Variants in GRIA4 observed in about 807,000 individuals in gnomAD.
GRIA4 encodes the protein glutamate ionotropic receptor AMPA type subunit 4, also known as glutamate receptor 4.
GRIA4 carries 34 observed loss-of-function variants against 104.0 expected under a neutral mutation model. The ratio of observed to expected loss-of-function variants is 0.33; its 90% CI spans 0.25 to 0.44. The LOEUF is 0.44. Among genes scored for constraint, GRIA4 ranks in the 20% least tolerant of loss-of-function variants. The probability of loss-of-function intolerance (pLI) is 1.00; values close to 1 mark genes in which losing one functional copy is unlikely to be tolerated. For missense variants in GRIA4, 750 were observed against 1,096.5 expected (o/e 0.68, Z 4.46); for synonymous variants, 386 against 381.9 (o/e 1.01, Z -0.13).
chr11:105,899,792 T>C (rs1337760075), intron 7 of GRIA4, among the ~76,000 whole-genome samples: 1 of 152,178 alleles, frequency 6.6e-6, no homozygotes, highest in Non-Finnish European at 1.5e-5. Context: ...ATTTAATGTA[T>C]TGTTGGTTCA....
chr11:105,750,906 T>G (rs531251444), intron 3 of GRIA4, among the ~76,000 whole-genome samples: 1 of 152,240 alleles, frequency 6.6e-6, no homozygotes, highest in East Asian at 1.9e-4. Context: ...AAAAGCTACA[T>G]GAGTACTTCC....
At chr11:105,773,121 T>C (rs914421978) in intron 4 of GRIA4, among the ~76,000 whole-genome samples, 8 of 152,114 alleles carry the variant, frequency 5.3e-5, no homozygotes, top group Non-Finnish European at 1.0e-4. Flanking sequence ...TACTCCTCCT[T>C]CTCATTCTTT....
Position 105,918,828 on chromosome 11 carries a change from T to G in GRIA4, c.1386T>G (p.Tyr462Ter). ...SEIAKHIGIK[Y>*]KIAIVPDGKY... ...TTGCAAAACATATTGGTATCAAGTA[T>G]AAAATTGCCATTGTCCCTGATGGAA... Residue 462 changes from tyrosine to a stop codon, truncating the protein, a stop_gained, in exon 11 of 17, where the codon TAT becomes TAG. Transcript: ENST00000282499. LOFTEE classifies it high-confidence loss of function. 1 of 1,607,334 alleles carries G rather than the reference T, an allele frequency of 6.2e-7. No individual in the cohort carries two copies. Among genetic ancestry groups the G allele is most frequent in the Non-Finnish European group, 8.5e-7 (1 of 1,174,044 alleles).
chr11:105,903,022 T>G (rs765937051), intron 7 of GRIA4, among the ~76,000 whole-genome samples: 3 of 152,174 alleles, frequency 2.0e-5, no homozygotes, highest in Non-Finnish European at 4.4e-5. Flanking sequence ...CTTTCCTCAC[T>G]TTTTCCCCTA....
chr11:105,870,600 G>A (rs2136047722), intron 5 of GRIA4, among the ~76,000 whole-genome samples: 1 of 152,048 alleles, frequency 6.6e-6, no homozygotes, highest in South Asian at 2.1e-4. Flanking sequence ...GAATTCCCCA[G>A]GCAGAGACGC....
intron 3 of GRIA4, among the ~76,000 whole-genome samples, chr11:105,642,256 T>C (rs1248107052): frequency 1.3e-5 from 2 of 152,096 alleles, no homozygotes; most frequent in Non-Finnish European, 1.5e-5. Flanking sequence ...TGCTGTTGCA[T>C]ATTTAGAAAA....
At chr11:105,665,583 A>G (rs1177182500) in intron 3 of GRIA4, among the ~76,000 whole-genome samples, 2 of 152,054 alleles carry the variant, frequency 1.3e-5, no homozygotes, top group African/African-American at 4.8e-5. Context: ...CCCAGAAAAT[A>G]GGAAGCACAG....
At chr11:105,850,886 G>A (rs1371073741) in intron 4 of GRIA4, among the ~76,000 whole-genome samples, 1 of 151,980 alleles carries the variant, frequency 6.6e-6, no homozygotes, top group African/African-American at 2.4e-5. Context: ...CCTTAATAGG[G>A]GAATAAAATT....
intron 4 of GRIA4, among the ~76,000 whole-genome samples, chr11:105,859,398 T>C (rs1305327311): frequency 1.3e-5 from 2 of 152,212 alleles, no homozygotes; most frequent in African/African-American, 4.8e-5. Flanking sequence ...TAGGGTTCTG[T>C]CTGATTCCAA....
chr11:105,965,882 C>T, intron 14 of GRIA4: 1 of 1,118,182 alleles, frequency 8.9e-7, no homozygotes, highest in Non-Finnish European at 1.3e-6. Context: ...GAGCTTAAGT[C>T]CTCATTCCTT....
chr11:105,868,388 C>T lies in GRIA4; in HGVS notation c.672+6180C>T, dbSNP rs180865188. 9.4e-4 allele frequency among the ~76,000 whole-genome samples: 143 copies of T among 152,280 alleles called. 1 individual carries two copies. The highest frequency in any genetic ancestry group is 3.2e-3 in the African/African-American group (135 of 41,570). On this transcript the variant is annotated intron_variant, in intron 5 of 16. Coordinates refer to ENST00000282499, the MANE Select transcript of GRIA4 (RefSeq NM_000829.4). ...GCAGAAATGTAGATTCCTTGCATTA[C>T]ACCAGTTTAGTTGTCTATCTTTCCT... is the stretch of plus-strand genomic sequence containing the variant.
At chr11:105,661,602 T>C (rs1194219348) in intron 3 of GRIA4, among the ~76,000 whole-genome samples, 1 of 151,716 alleles carries the variant, frequency 6.6e-6, no homozygotes, top group Non-Finnish European at 1.5e-5. Flanking sequence ...AAGAAATTCA[T>C]GGTTAATTTT....
intron 14 of GRIA4, among the ~76,000 whole-genome samples, chr11:105,971,226 A>G (rs1454131074): frequency 6.6e-6 from 1 of 152,236 alleles, no homozygotes; most frequent in Admixed American, 6.5e-5. Flanking sequence ...TAGACAAGAT[A>G]GATGAAAATT....
At chr11:105,743,414 T>C (rs1338161396) in intron 3 of GRIA4, among the ~76,000 whole-genome samples, 1 of 152,204 alleles carries the variant, frequency 6.6e-6, no homozygotes, top group Admixed American at 6.5e-5. Flanking sequence ...TCTTGAAAAA[T>C]TCTACCTTCT....
chr11:105,903,658 G>T (rs1946943964), intron 7 of GRIA4, among the ~76,000 whole-genome samples, 156 bp from the exon 8 acceptor site: 1 of 152,140 alleles, frequency 6.6e-6, no homozygotes, highest in African/African-American at 2.4e-5. Context: ...AGCAAGAATA[G>T]AAATTTCTGA....
At chr11:105,905,434 C>G (rs556874916) in intron 9 of GRIA4, 133 bp downstream of exon 9, 1 of 588,476 alleles carries the variant, frequency 1.7e-6, no homozygotes, top group South Asian at 2.2e-5. Context: ...TTAGTACTTT[C>G]TTTATAATCA....
chr11:105,809,239 A>T (rs964338879), intron 4 of GRIA4, among the ~76,000 whole-genome samples: 1 of 152,128 alleles, frequency 6.6e-6, no homozygotes, highest in Non-Finnish European at 1.5e-5. Context: ...TAGCTACATA[A>T]TAGTTTTACA....
Position 105,972,016 on chromosome 11 carries a change from C to T in GRIA4, c.2397C>T (p.Asp799=), listed in dbSNP as rs777932106. The change falls in exon 15 of 17, where the codon GAC becomes GAT. Residue 799 remains aspartate (D), a synonymous_variant. Coordinates refer to ENST00000282499, the MANE Select transcript of GRIA4 (RefSeq NM_000829.4). ...WYDKGECGPK[D]SGSKDKTSAL... is the part of the protein sequence containing the mutation. ...ATAAAGGTGAATGTGGACCCAAGGA[C>T]TCTGGAAGCAAGGTCAGTCGCTGCA... 2 of 1,609,004 alleles carry T rather than the reference C, an allele frequency of 1.2e-6. No individual in the cohort carries two copies. The highest frequency in any genetic ancestry group is 1.3e-5 in the African/African-American group (1 of 74,754).
At chr11:105,754,501 A>G (rs1201463027) in intron 4 of GRIA4, among the ~76,000 whole-genome samples, 2 of 152,130 alleles carry the variant, frequency 1.3e-5, no homozygotes, top group African/African-American at 4.8e-5. Context: ...CTTTCACTTT[A>G]CCAGTTTTGA....
Sources: gnomAD v4.1 joint callset for allele counts (sites outside exome capture counted in the v4.1 genomes callset) on GRCh38, gnomAD v4.1.1 for gene constraint, MANE v1.5 for transcripts, NCBI Gene and HGNC (gene_info 2026-07-23, HGNC 2026-07-21) for gene names.